The following MCF2L2 variants were observed in gnomAD, a reference collection of about 807,000 sequenced individuals.
MCF2L2 encodes probable guanine nucleotide exchange factor MCF2L2.
A neutral mutation model predicts 150.2 loss-of-function variants in MCF2L2; 102 were observed. The ratio of observed to expected loss-of-function variants is 0.68; its 90% confidence interval spans 0.58 to 0.80. The LOEUF is 0.80. Ranked by LOEUF, MCF2L2 falls within the 30% of genes least tolerant of loss-of-function variation. The pLI, the probability that MCF2L2 is intolerant of heterozygous loss-of-function variation, is 0.00. For missense variants in MCF2L2, 1,256 were observed against 1,372.8 expected (o/e 0.91, Z 1.34); for synonymous variants, 465 against 491.3 (o/e 0.95, Z 0.71).
chr3:183,342,625 TG>T (rs1730748004), intron 3 of MCF2L2, among the ~76,000 whole-genome samples: 1 of 3,602 alleles, frequency 2.8e-4, no homozygotes, highest in African/African-American at 2.0e-3. Context: ...ATTAAATGTG[TG>T]TGTGTGTGTG....
chr3:183,310,517 G>A (rs922287036), intron 9 of MCF2L2: 3 of 265,314 alleles, frequency 1.1e-5, no homozygotes, highest in East Asian at 1.4e-4. Flanking sequence ...AAAAATTACC[G>A]GGTGTGATGG....
intron 2 of MCF2L2, among the ~76,000 whole-genome samples, chr3:183,383,228 T>A (rs1971552): frequency 0.78 from 117,939 of 151,394 alleles, 46,855 homozygotes; most frequent in Non-Finnish European, 0.86. Flanking sequence ...TTATTTATTT[T>A]ATTTATTTAT....
chr3:183,272,874 C>T, intron 15 of MCF2L2: 2 of 1,294,820 alleles, frequency 1.5e-6, no homozygotes, highest in Non-Finnish European at 2.0e-6. Context: ...TTGTTTACAG[C>T]AGTGCTTTTG....
intron 21 of MCF2L2, among the ~76,000 whole-genome samples, chr3:183,219,503 T>C (rs980095505): frequency 4.6e-5 from 7 of 151,752 alleles, no homozygotes; most frequent in Non-Finnish European, 8.8e-5. Flanking sequence ...CCCAGCTACT[T>C]GGGAGGCTGA....
chr3:183,261,475 T>G (rs957931708), intron 15 of MCF2L2, among the ~76,000 whole-genome samples: 6 of 152,106 alleles, frequency 3.9e-5, no homozygotes, highest in African/African-American at 1.4e-4. Flanking sequence ...AGTTTAAATG[T>G]AAAAGATATA....
intron 1 of MCF2L2, among the ~76,000 whole-genome samples, chr3:183,400,877 C>T (rs917771929): frequency 2.0e-4 from 30 of 151,964 alleles, no homozygotes; most frequent in Non-Finnish European, 4.4e-5. Context: ...AAAACTTATT[C>T]CAGGCCACAA....
At chr3:183,259,020 G>A (rs953897005) in intron 15 of MCF2L2, among the ~76,000 whole-genome samples, 7 of 152,160 alleles carry the variant, frequency 4.6e-5, no homozygotes, top group Admixed American at 6.5e-5. Context: ...GTACAGACAC[G>A]ACCATAAATT....
At chr3:183,328,274 T>C (rs1332078643) in intron 5 of MCF2L2, among the ~76,000 whole-genome samples, 5 of 152,156 alleles carry the variant, frequency 3.3e-5, no homozygotes, top group African/African-American at 9.7e-5. Flanking sequence ...AGTAAAGTGT[T>C]TCCCTTAGTT....
intron 14 of MCF2L2, chr3:183,287,802 G>A (rs781569905): frequency 1.3e-5 from 2 of 152,118 alleles, no homozygotes; most frequent in African/African-American, 2.4e-5. Context: ...GAGAACCCTC[G>A]TTCCCACTCT....
intron 3 of MCF2L2, among the ~76,000 whole-genome samples, chr3:183,357,851 GAA>G (rs35010055): frequency 8.0e-6 from 1 of 124,378 alleles, no homozygotes; most frequent in African/African-American, 2.8e-5. Context: ...AAAATGTCCA[GAA>G]AAAAAAAAAA....
chr3:183,266,687 C>T (rs934337279), intron 15 of MCF2L2, among the ~76,000 whole-genome samples: 1 of 152,152 alleles, frequency 6.6e-6, no homozygotes, highest in African/African-American at 2.4e-5. Flanking sequence ...TATTTTCTGA[C>T]GTCTTTCTCA....
At chr3:183,355,243 A>C (rs1344352039) in intron 3 of MCF2L2, among the ~76,000 whole-genome samples, 2 of 152,120 alleles carry the variant, frequency 1.3e-5, no homozygotes, top group Non-Finnish European at 2.9e-5. Context: ...AGAGACAGGT[A>C]ATGTCACTAG....
intron 14 of MCF2L2, among the ~76,000 whole-genome samples, chr3:183,277,505 C>T (rs1057343548): frequency 4.0e-5 from 6 of 151,468 alleles, no homozygotes; most frequent in Admixed American, 6.6e-5. Context: ...AAGTTGCACT[C>T]GCCCTGAGAC....
intron 5 of MCF2L2, among the ~76,000 whole-genome samples, chr3:183,327,001 C>A (rs1359671740): frequency 6.6e-6 from 1 of 152,030 alleles, no homozygotes; most frequent in African/African-American, 2.4e-5. Flanking sequence ...ATGAAAGTAG[C>A]CAGAATCAAA....
chr3:183,306,449 T>C (rs555354481), intron 10 of MCF2L2, among the ~76,000 whole-genome samples: 32 of 152,298 alleles, frequency 2.1e-4, no homozygotes, highest in African/African-American at 4.1e-4. Flanking sequence ...AGCTTAGAAG[T>C]TGCAATCAGA....
chr3:183,273,157 A>G, intron 15 of MCF2L2: 1 of 579,608 alleles, frequency 1.7e-6, no homozygotes, highest in Non-Finnish European at 2.9e-6. Context: ...ATGTCAACAA[A>G]GGGAAAATAA....
intron 2 of MCF2L2, among the ~76,000 whole-genome samples, chr3:183,381,541 CATAAGT>C (rs1393058379): frequency 2.0e-5 from 3 of 152,174 alleles, no homozygotes; most frequent in South Asian, 2.1e-4. Context: ...ATTGAGCAAA[CATAAGT>C]ATATTATGTA....
chr3:183,310,857 A>T, intron 9 of MCF2L2, 58 bp downstream of exon 9: 1 of 1,148,474 alleles, frequency 8.7e-7, no homozygotes, highest in Non-Finnish European at 1.3e-6. Context: ...GAGGAGGGAG[A>T]GAAAACCAGA....
intron 14 of MCF2L2, among the ~76,000 whole-genome samples, chr3:183,280,005 C>T (rs1002768504): frequency 6.6e-6 from 1 of 150,916 alleles, no homozygotes; most frequent in African/African-American, 2.4e-5. Flanking sequence ...CCAGCCTGGG[C>T]GACAGAGCAA....
Sources: allele counts gnomAD v4.1 joint callset (sites outside exome capture counted in the v4.1 genomes callset), GRCh38; gene constraint gnomAD v4.1.1; transcripts MANE v1.5; gene names NCBI Gene and HGNC (gene_info 2026-07-23, HGNC 2026-07-21).